Variants in DCC observed in about 807,000 individuals in gnomAD.
DCC encodes the protein DCC netrin 1 receptor, also known as netrin receptor DCC.
Under a neutral mutation model 172.5 loss-of-function variants are expected in DCC, and 58 were observed. The ratio of observed to expected loss-of-function variants is 0.34; its 90% CI spans 0.27 to 0.42. The LOEUF (loss-of-function observed/expected upper bound fraction) is 0.42. Among genes scored for constraint, DCC ranks in the 10% least tolerant of loss-of-function variants. DCC has a pLI of 1.00. For missense variants in DCC, 1,740 were observed against 1,791.0 expected, an observed-to-expected ratio of 0.97 and a Z score of 0.51; for synonymous variants, 709 against 644.5, an observed-to-expected ratio of 1.10 and a Z score of -1.52.
At chr18:52,755,245 C>T (rs377355118) in intron 2 of DCC, among the ~76,000 whole-genome samples, 1 of 152,122 alleles carries the variant, frequency 6.6e-6, no homozygotes, top group African/African-American at 2.4e-5. Flanking sequence ...TATTTTGATG[C>T]CTTATTATGA....
At chr18:53,260,858 G>A (rs1274697091) in intron 12 of DCC, among the ~76,000 whole-genome samples, 1 of 152,100 alleles carries the variant, frequency 6.6e-6, no homozygotes, top group Non-Finnish European at 1.5e-5. Flanking sequence ...CACCCTGTTC[G>A]AGCTTCAGGG....
At chr18:52,701,658 A>G (rs1013817718) in intron 1 of DCC, among the ~76,000 whole-genome samples, 3 of 152,192 alleles carry the variant, frequency 2.0e-5, no homozygotes, top group Non-Finnish European at 4.4e-5. Flanking sequence ...GTTGCTGTTC[A>G]TGCTTCTATT....
At chr18:53,494,384 C>T (rs932790621) in intron 26 of DCC, among the ~76,000 whole-genome samples, 6 of 152,138 alleles carry the variant, frequency 3.9e-5, no homozygotes, top group Non-Finnish European at 1.5e-5. Flanking sequence ...AATTTTCTAT[C>T]TCATTGATCT....
intron 1 of DCC, among the ~76,000 whole-genome samples, chr18:52,422,645 G>A (rs1161417179): frequency 6.6e-6 from 1 of 152,074 alleles, no homozygotes. Context: ...ATTCCAGGAT[G>A]ACACAAAAAG....
At chr18:52,944,976 G>T (rs912185315) in intron 5 of DCC, among the ~76,000 whole-genome samples, 1 of 152,124 alleles carries the variant, frequency 6.6e-6, no homozygotes, top group Non-Finnish European at 1.5e-5. Context: ...TTTCTTGGGG[G>T]CATTTGAAGT....
intron 1 of DCC, among the ~76,000 whole-genome samples, chr18:52,692,495 G>A (rs1207818003): frequency 6.6e-6 from 1 of 152,128 alleles, no homozygotes; most frequent in Non-Finnish European, 1.5e-5. Context: ...TTGGAGTGCA[G>A]TGATGCAGTC....
intron 1 of DCC, among the ~76,000 whole-genome samples, chr18:52,736,947 C>T (rs79810340): frequency 0.021 from 3,168 of 152,236 alleles, 131 homozygotes; most frequent in East Asian, 0.2. Flanking sequence ...ACTCAGCACA[C>T]TTTCTGACCT....
At chr18:53,392,479 CAG>C (rs1908614821) in intron 17 of DCC, among the ~76,000 whole-genome samples, 1 of 152,144 alleles carries the variant, frequency 6.6e-6, no homozygotes, top group African/African-American at 2.4e-5. Flanking sequence ...GTCCTTATCA[CAG>C]AGTTATCTGA....
intron 1 of DCC, among the ~76,000 whole-genome samples, chr18:52,652,128 T>C (rs926653444): frequency 2.0e-5 from 3 of 152,212 alleles, no homozygotes; most frequent in Non-Finnish European, 2.9e-5. Flanking sequence ...GGCTTAGGCT[T>C]CTACCTAATC....
intron 6 of DCC, 118 bp from the exon 7 acceptor site, chr18:53,065,928 G>A: frequency 1.6e-6 from 2 of 1,226,804 alleles, no homozygotes; most frequent in East Asian, 2.4e-5. Context: ...ACCCCTCATG[G>A]CCTCTCCTCT....
chr18:52,668,874 C>CAT (rs2035502947), intron 1 of DCC, among the ~76,000 whole-genome samples: 1 of 152,228 alleles, frequency 6.6e-6, no homozygotes, highest in Non-Finnish European at 1.5e-5. Context: ...TTCAGTTAGA[C>CAT]ATGCATGCCT....
intron 20 of DCC, 127 bp downstream of exon 20, chr18:53,410,773 TAAATTA>T (rs764519707): frequency 1.4e-6 from 1 of 697,222 alleles, no homozygotes; most frequent in Non-Finnish European, 2.6e-6. Context: ...ACATTCAAAA[TAAATTA>T]AAATGTAGCT....
chr18:52,681,990 G>T (rs1202147290), intron 1 of DCC, among the ~76,000 whole-genome samples: 1 of 152,062 alleles, frequency 6.6e-6, no homozygotes, highest in Non-Finnish European at 1.5e-5. Context: ...TTTCAATGTG[G>T]TTTATTCTAG....
At chr18:53,285,089 T>C (rs972167300) in intron 12 of DCC, among the ~76,000 whole-genome samples, 1 of 152,120 alleles carries the variant, frequency 6.6e-6, no homozygotes, top group Non-Finnish European at 1.5e-5. Flanking sequence ...TCTGGAAAAT[T>C]TGCAGCCTGA....
chr18:53,466,207 A>G (rs1448756841), intron 24 of DCC, among the ~76,000 whole-genome samples: 1 of 152,272 alleles, frequency 6.6e-6, no homozygotes, highest in African/African-American at 2.4e-5. Context: ...GGCATGAGCT[A>G]CACACTCAGT....
At chr18:52,891,149 T>G (rs2039644489) in intron 2 of DCC, among the ~76,000 whole-genome samples, 1 of 152,136 alleles carries the variant, frequency 6.6e-6, no homozygotes, top group Admixed American at 6.6e-5. Flanking sequence ...GTCAGATTTC[T>G]GTAATATTGG....
intron 1 of DCC, among the ~76,000 whole-genome samples, chr18:52,465,067 A>G (rs931389985): frequency 2.0e-5 from 3 of 152,178 alleles, no homozygotes; most frequent in African/African-American, 4.8e-5. Flanking sequence ...CCTAGGACAT[A>G]GAGATGTTCT....
chr18:53,081,012 T>A (rs991276616), intron 7 of DCC, among the ~76,000 whole-genome samples: 1 of 152,090 alleles, frequency 6.6e-6, no homozygotes, highest in Non-Finnish European at 1.5e-5. Context: ...TAAAGGGTTA[T>A]GCATTAACAT....
chr18:52,474,765 G>A (rs563172397), intron 1 of DCC, among the ~76,000 whole-genome samples: 12 of 152,258 alleles, frequency 7.9e-5, no homozygotes, highest in East Asian at 1.9e-4. Context: ...GATCTCTTCC[G>A]CTCCATCTGG....
Sources: allele counts gnomAD v4.1 joint callset (sites outside exome capture counted in the v4.1 genomes callset), GRCh38; gene constraint gnomAD v4.1.1; transcripts MANE v1.5; gene names NCBI Gene and HGNC (gene_info 2026-07-23, HGNC 2026-07-21).